Variants in EIF5B observed in about 807,000 individuals in gnomAD.
EIF5B encodes eIF-5B.
EIF5B carries 47 observed loss-of-function variants against 147.5 expected under a neutral mutation model. The observed-to-expected ratio is 0.32, with a 90% CI of 0.25 to 0.41. The LOEUF (loss-of-function observed/expected upper bound fraction) is 0.41. Ranked by LOEUF, EIF5B falls within the 10% of genes least tolerant of loss-of-function variation. EIF5B has a pLI of 1.00. For missense variants in EIF5B, 1,064 were observed against 1,413.2 expected (o/e 0.75, Z 3.96); for synonymous variants, 455 against 456.2 (o/e 1.00, Z 0.03).
At chr2:99,371,625 T>G in intron 8 of EIF5B, 31 bp from the exon 9 acceptor site, 2 of 1,587,500 alleles carry the variant, frequency 1.3e-6, no homozygotes, top group Non-Finnish European at 1.7e-6. Flanking sequence ...TAAATAATTT[T>G]TGTGTCTTAA....
intron 12 of EIF5B, among the ~76,000 whole-genome samples, chr2:99,381,518 G>GTGTGTGTGTGTGTGTGT (rs797002764): frequency 7.0e-6 from 1 of 142,988 alleles, no homozygotes; most frequent in Non-Finnish European, 1.5e-5. Context: ...ACAAAAAGGG[G>GTGTGTGTGTGTGTGTGT]GTGTGTGTGT....
intron 14 of EIF5B, among the ~76,000 whole-genome samples, chr2:99,386,586 G>A (rs1363473013): frequency 6.6e-6 from 1 of 150,542 alleles, no homozygotes; most frequent in African/African-American, 2.4e-5. Flanking sequence ...GGAGTGCAGT[G>A]TGGCGCACTC....
chr2:99,382,266 T>C (rs751458416), intron 13 of EIF5B, 40 bp downstream of exon 13: 3 of 1,568,846 alleles, frequency 1.9e-6, no homozygotes, highest in Admixed American at 1.7e-5. Flanking sequence ...AGCAATCTAC[T>C]TGAAACCATT....
Position 99,399,581 on chromosome 2 carries a change from TAC to T in EIF5B, c.*170_*171del. 1.7e-6 allele frequency: 1 copy of T among 603,642 alleles called. No homozygotes were observed. The highest frequency in any genetic ancestry group is 3.0e-5 in the East Asian group (1 of 32,820). The allele number at this position is 603,642 out of a possible 1,614,324, so 37.4% of individuals were successfully genotyped here. On this transcript the variant is annotated 3_prime_UTR_variant, in exon 24 of 24. Coordinates refer to ENST00000289371, the MANE Select transcript of EIF5B (RefSeq NM_015904.4). ...GTTTTCCATGAGAAACCAAGAAACT[TAC>T]ACTGGTTTGACAGTGGTCAGTTACA...
Position 99,351,906 on chromosome 2 carries a change from G to A in EIF5B, c.36-8330G>A, listed in dbSNP as rs1297981561. Among the ~76,000 whole-genome samples the A allele has an allele frequency of 3.9e-5, 6 of 151,944 alleles. No individual in the cohort carries two copies. The South Asian group carries it at 6.2e-4, about 16-fold the overall frequency. ...GTAGGGACGGGATTTCACCTTGTTG[G>A]CCAGGCTGGTCTTGAACTCCTGACC... On this transcript the variant is annotated intron_variant, in intron 1 of 23. Transcript: ENST00000289371.
At chr2:99,369,663 C>T (rs1193493886) in intron 8 of EIF5B, among the ~76,000 whole-genome samples, 182 bp downstream of exon 8, 1 of 152,132 alleles carries the variant, frequency 6.6e-6, no homozygotes, top group African/African-American at 2.4e-5. Context: ...GAATAAGTAT[C>T]CAAGTGAGAC....
intron 4 of EIF5B, among the ~76,000 whole-genome samples, chr2:99,362,127 T>C (rs1674228850): frequency 6.6e-6 from 1 of 152,236 alleles, no homozygotes; most frequent in African/African-American, 2.4e-5. Flanking sequence ...AAATTTATTC[T>C]TCCTTTCTGA....
At chr2:99,339,100 C>T (rs907563761) in intron 1 of EIF5B, among the ~76,000 whole-genome samples, 2 of 150,482 alleles carry the variant, frequency 1.3e-5, no homozygotes, top group African/African-American at 4.9e-5. Context: ...CTGCAACCTC[C>T]ACCTCCCTGG....
intron 5 of EIF5B, 30 bp from the exon 6 acceptor site, chr2:99,364,241 A>G (rs1204961791): frequency 3.2e-6 from 5 of 1,544,398 alleles, no homozygotes; most frequent in East Asian, 2.2e-5. Flanking sequence ...AAATGAATAC[A>G]GGTTTTGTCT....
chr2:99,380,101 C>T lies in EIF5B; in HGVS notation c.2061+673C>T, dbSNP rs148988644. 1.3e-5 allele frequency among the ~76,000 whole-genome samples: 2 copies of T among 152,292 alleles called. 1 individual carries two copies. Among genetic ancestry groups the T allele is most frequent in the East Asian group, 3.9e-4 (2 of 5,186 alleles). ...CTTCTATAGAGAAACGTTACCTAAT[C>T]TACTATTTGATTATTCAGTGATGGC... On this transcript the variant is annotated intron_variant, in intron 12 of 23. Transcript: ENST00000289371.
At chr2:99,344,142 G>C (rs188546275) in intron 1 of EIF5B, among the ~76,000 whole-genome samples, 7 of 151,836 alleles carry the variant, frequency 4.6e-5, no homozygotes, top group Admixed American at 3.3e-4. Flanking sequence ...GATGGGTCTC[G>C]ATCTCCTGAC....
At chr2:99,382,264 A>C in intron 13 of EIF5B, 38 bp downstream of exon 13, 1 of 1,563,066 alleles carries the variant, frequency 6.4e-7, no homozygotes, top group Non-Finnish European at 8.8e-7. Context: ...CAAGCAATCT[A>C]CTTGAAACCA....
chr2:99,347,545 A>G (rs2094275944), intron 1 of EIF5B, among the ~76,000 whole-genome samples: 1 of 151,342 alleles, frequency 6.6e-6, no homozygotes, highest in East Asian at 1.9e-4. Flanking sequence ...TTGCATTTTC[A>G]ATAAGGTGAT....
intron 10 of EIF5B, among the ~76,000 whole-genome samples, chr2:99,378,805 G>A: frequency 6.6e-6 from 1 of 152,156 alleles, no homozygotes; most frequent in East Asian, 1.9e-4. Flanking sequence ...CAGTGCTGCT[G>A]TGAAATCTAA....
intron 12 of EIF5B, among the ~76,000 whole-genome samples, chr2:99,381,123 T>G (rs1446762462): frequency 6.6e-6 from 1 of 152,230 alleles, no homozygotes; most frequent in African/African-American, 2.4e-5. Flanking sequence ...TTAGAACAGT[T>G]TTCTTGAATT....
At chr2:99,397,532 A>G (rs923238270) in intron 22 of EIF5B, 5 of 152,014 alleles carry the variant, frequency 3.3e-5, no homozygotes, top group Non-Finnish European at 5.9e-5. Context: ...TCCCTCCTCC[A>G]TTTGGATTTA....
intron 1 of EIF5B, among the ~76,000 whole-genome samples, chr2:99,345,574 A>G (rs942020570): frequency 7.1e-6 from 1 of 141,390 alleles, no homozygotes; most frequent in Non-Finnish European, 1.5e-5. Context: ...AGCCTGGGCA[A>G]TGGAGTGAGA....
chr2:99,396,093 T>C (rs989201065), intron 21 of EIF5B, among the ~76,000 whole-genome samples: 3 of 152,116 alleles, frequency 2.0e-5, no homozygotes, highest in African/African-American at 4.8e-5. Flanking sequence ...ACAGTGATGA[T>C]AGGAGTGATG....
chr2:99,399,264 TTGTTA>T, intron 23 of EIF5B, 38 bp from the exon 24 acceptor site: 1 of 1,584,556 alleles, frequency 6.3e-7, no homozygotes, highest in South Asian at 1.1e-5. Context: ...TTTGGCACGT[TTGTTA>T]TGTTCTGTTT....
Sources: gnomAD v4.1 joint callset for allele counts (sites outside exome capture counted in the v4.1 genomes callset) on GRCh38, gnomAD v4.1.1 for gene constraint, MANE v1.5 for transcripts, NCBI Gene and HGNC (gene_info 2026-07-23, HGNC 2026-07-21) for gene names.